The following IPCEF1 variants were observed in gnomAD, a reference collection of about 807,000 sequenced individuals.
The protein encoded by IPCEF1 is interaction protein for cytohesin exchange factors 1.
IPCEF1 carries 31 observed loss-of-function variants against 50.9 expected under a neutral mutation model. The observed-to-expected ratio is 0.61, with a 90% CI of 0.46 to 0.82. The LOEUF is 0.82. IPCEF1 is among the 40% of genes least tolerant of loss of function. The pLI is 0.00. For missense variants in IPCEF1, 458 were observed against 514.0 expected (o/e 0.89, Z 1.05); for synonymous variants, 181 against 192.0 (o/e 0.94, Z 0.47).
intron 10 of IPCEF1, 58 bp downstream of exon 10, chr6:154,199,610 T>G (rs1445561497): frequency 6.8e-7 from 1 of 1,461,334 alleles, no homozygotes; most frequent in African/African-American, 1.4e-5. Context: ...AATATTACAG[T>G]TCCATATACA....
chr6:154,248,807 T>C (rs752664370), intron 3 of IPCEF1, among the ~76,000 whole-genome samples: 2 of 152,196 alleles, frequency 1.3e-5, no homozygotes, highest in Non-Finnish European at 2.9e-5. Flanking sequence ...TTTACAAGAT[T>C]TATTTGTGAA....
intron 1 of IPCEF1, among the ~76,000 whole-genome samples, chr6:154,297,228 C>T (rs1279518202): frequency 6.6e-5 from 10 of 152,028 alleles, no homozygotes; most frequent in Non-Finnish European, 1.3e-4. Context: ...TTTGTAAAGA[C>T]GGGGTTTCAC....
At chr6:154,194,044 A>G (rs1473412648) in intron 10 of IPCEF1, among the ~76,000 whole-genome samples, 1 of 152,244 alleles carries the variant, frequency 6.6e-6, no homozygotes, top group African/African-American at 2.4e-5. Flanking sequence ...GAGCAGTGGT[A>G]CACCTAGCGT....
chr6:154,165,965 A>T (rs547310036), intron 11 of IPCEF1, among the ~76,000 whole-genome samples: 1 of 152,342 alleles, frequency 6.6e-6, no homozygotes, highest in South Asian at 2.1e-4. Context: ...AATCCTGCCA[A>T]TAATTAACAT....
chr6:154,189,554 A>C (rs1801680921), intron 10 of IPCEF1, among the ~76,000 whole-genome samples: 2 of 152,266 alleles, frequency 1.3e-5, no homozygotes, highest in Non-Finnish European at 2.9e-5. Context: ...ATATAGTTCA[A>C]GATAGCTAGA....
At chr6:154,283,464 G>T (rs1046669772) in intron 2 of IPCEF1, among the ~76,000 whole-genome samples, 1 of 150,948 alleles carries the variant, frequency 6.6e-6, no homozygotes, top group East Asian at 2.0e-4. Context: ...CAGGTGCGGT[G>T]GTGGGCCCCT....
intron 5 of IPCEF1, among the ~76,000 whole-genome samples, chr6:154,226,153 AC>A (rs763441076): frequency 1.6e-4 from 24 of 150,998 alleles, no homozygotes; most frequent in Non-Finnish European, 2.8e-4. Flanking sequence ...TTGTTCCAAA[AC>A]TCTCTATGGA....
At chr6:154,211,052 G>A (rs1015322163) in intron 9 of IPCEF1, among the ~76,000 whole-genome samples, 2 of 152,148 alleles carry the variant, frequency 1.3e-5, no homozygotes, top group South Asian at 4.2e-4. Context: ...GTAAGTGAAT[G>A]AGCTACTGTA....
At chr6:154,277,891 GCCCAGCTTCCTGTGGTCCA>G (rs1021518683) in intron 2 of IPCEF1, among the ~76,000 whole-genome samples, 6 of 151,366 alleles carry the variant, frequency 4.0e-5, no homozygotes, top group African/African-American at 9.7e-5. Flanking sequence ...CCTGTGGTCC[GCCCAGCTTCCTGTGGTCCA>G]CCCACTCTCA....
intron 3 of IPCEF1, among the ~76,000 whole-genome samples, chr6:154,249,018 A>G (rs1410953017): frequency 6.6e-6 from 1 of 152,186 alleles, no homozygotes; most frequent in Admixed American, 6.5e-5. Context: ...ATCCCAAGAA[A>G]TATTGCACTG....
chr6:154,235,594 C>T (rs1050513889), intron 5 of IPCEF1, among the ~76,000 whole-genome samples: 1 of 148,496 alleles, frequency 6.7e-6, no homozygotes, highest in Non-Finnish European at 1.5e-5. Flanking sequence ...ACAGTCAGTA[C>T]AACACATAAT....
intron 1 of IPCEF1, among the ~76,000 whole-genome samples, chr6:154,294,114 G>A (rs1449966502): frequency 6.6e-6 from 1 of 152,076 alleles, no homozygotes; most frequent in Non-Finnish European, 1.5e-5. Context: ...CCTCCTAATT[G>A]TTATTAGTTA....
intron 5 of IPCEF1, among the ~76,000 whole-genome samples, chr6:154,244,752 T>C (rs367728728): frequency 6.6e-6 from 1 of 152,234 alleles, no homozygotes; most frequent in South Asian, 2.1e-4. Flanking sequence ...CTTTAAATTC[T>C]ATGAAGACAG....
chr6:154,166,966 C>T (rs1799489367), intron 11 of IPCEF1, among the ~76,000 whole-genome samples: 2 of 152,188 alleles, frequency 1.3e-5, no homozygotes, highest in South Asian at 4.2e-4. Context: ...CTTTCTTTTT[C>T]CATTCTGGCC....
chr6:154,340,213 C>G (rs530476641), intron 1 of IPCEF1, among the ~76,000 whole-genome samples: 5 of 151,976 alleles, frequency 3.3e-5, no homozygotes, highest in Admixed American at 1.3e-4. Flanking sequence ...GTGGTCAGGG[C>G]ACAGCTTGGT....
At chr6:154,272,056 G>T (rs1036256058) in intron 2 of IPCEF1, among the ~76,000 whole-genome samples, 1 of 152,190 alleles carries the variant, frequency 6.6e-6, no homozygotes, top group African/African-American at 2.4e-5. Context: ...TCCCAACTCT[G>T]CCACTTGTTA....
intron 5 of IPCEF1, among the ~76,000 whole-genome samples, chr6:154,237,399 A>T (rs2128632536): frequency 6.6e-6 from 1 of 152,262 alleles, no homozygotes; most frequent in African/African-American, 2.4e-5. Flanking sequence ...GTATTTTTGG[A>T]CTTTCTTACA....
chr6:154,265,898 CA>C lies in IPCEF1; in HGVS notation c.36+13del, dbSNP rs756636345. 4 of 1,576,892 alleles carry C rather than the reference CA, an allele frequency of 2.5e-6. No individual in the cohort carries two copies. Among genetic ancestry groups the C allele is most frequent in the Non-Finnish European group, 3.5e-6 (4 of 1,156,790 alleles). ...ACAATATCTAAAGCCTGGGGTATTC[CA>C]AAGGATACTTACAAGAGCACTGCCA... is the stretch of plus-strand genomic sequence containing the variant. On this transcript the variant is annotated intron_variant, in intron 3 of 11. Coordinates refer to ENST00000367220, the MANE Select transcript of IPCEF1 (RefSeq NM_001130700.2).
intron 1 of IPCEF1, among the ~76,000 whole-genome samples, chr6:154,327,674 G>T (rs966994534): frequency 1.3e-5 from 2 of 152,172 alleles, no homozygotes; most frequent in Non-Finnish European, 2.9e-5. Flanking sequence ...ATGCCTCAAA[G>T]ACCTAGAGGC....
Sources: gnomAD v4.1 joint callset for allele counts (sites outside exome capture counted in the v4.1 genomes callset) on GRCh38, gnomAD v4.1.1 for gene constraint, MANE v1.5 for transcripts, NCBI Gene and HGNC (gene_info 2026-07-23, HGNC 2026-07-21) for gene names.